The following PARVA variants were observed in gnomAD, a reference collection of about 807,000 sequenced individuals.
PARVA encodes parvin alpha, also known as alpha-parvin.
PARVA carries 25 observed loss-of-function variants against 52.6 expected under a neutral mutation model. The observed-to-expected ratio is 0.48, with a 90% CI of 0.35 to 0.66. The LOEUF is 0.66. Among genes scored for constraint, PARVA ranks in the 30% least tolerant of loss-of-function variants. The probability of loss-of-function intolerance (pLI) is 0.01; values close to 1 mark genes in which losing one functional copy is unlikely to be tolerated. For missense variants in PARVA, 373 were observed against 450.9 expected, an observed-to-expected ratio of 0.83 and a Z score of 1.56; for synonymous variants, 185 against 179.1, an observed-to-expected ratio of 1.03 and a Z score of -0.26.
intron 1 of PARVA, among the ~76,000 whole-genome samples, chr11:12,471,697 T>TA (rs1940936712): frequency 6.6e-6 from 1 of 152,354 alleles, no homozygotes; most frequent in African/African-American, 2.4e-5. Context: ...CTGTCTGGTG[T>TA]TGTAGGTACC....
chr11:12,464,944 G>T (rs1192371163), intron 1 of PARVA, among the ~76,000 whole-genome samples: 7 of 152,152 alleles, frequency 4.6e-5, no homozygotes, highest in Non-Finnish European at 8.8e-5. Context: ...TTCCACCTCA[G>T]ATCATTAGGC....
chr11:12,503,279 T>C (rs1165258738), intron 5 of PARVA, among the ~76,000 whole-genome samples: 1 of 152,168 alleles, frequency 6.6e-6, no homozygotes, highest in Non-Finnish European at 1.5e-5. Flanking sequence ...AGAGACCTAG[T>C]GTTCCTGACT....
Position 12,438,243 on chromosome 11 carries a change from G to C in PARVA, c.137-35502G>C, listed in dbSNP as rs1186644763. Among the ~76,000 whole-genome samples, 6 of 147,852 alleles carry C rather than the reference G, an allele frequency of 4.1e-5. 1 individual carries two copies. The highest frequency in any genetic ancestry group is 8.9e-5 in the Non-Finnish European group (6 of 67,446). ...CCACTACACCCCAGCCTGGGTGACA[G>C]AGCGAGACTGCATCTCAAAAAAAAA... On this transcript the variant is annotated intron_variant, in intron 1 of 12. Coordinates refer to ENST00000334956, the MANE Select transcript of PARVA (RefSeq NM_018222.5).
At chr11:12,428,717 C>A (rs952250) in intron 1 of PARVA, among the ~76,000 whole-genome samples, 81,548 of 152,038 alleles carry the variant, frequency 0.54, 23,522 homozygotes, top group South Asian at 0.75. Context: ...AATTGACTAG[C>A]GGAGCAAATA....
At chr11:12,424,299 A>ATT (rs1358130614) in intron 1 of PARVA, among the ~76,000 whole-genome samples, 1 of 152,114 alleles carries the variant, frequency 6.6e-6, no homozygotes, top group Non-Finnish European at 1.5e-5. Context: ...TCTGCAAAAC[A>ATT]AGTGATATGT....
In PARVA at chr11:12,399,738, A is replaced by G. The variant is rs905574106; in HGVS notation, c.136+21955A>G. The stretch of plus-strand genomic sequence containing the variant: ...TTTTCTCATTACATTACCCATTACA[A>G]TGTTACAGTAAATAATTCTTGTATA... On this transcript the variant is annotated intron_variant, in intron 1 of 12. Coordinates refer to ENST00000334956, the MANE Select transcript of PARVA (RefSeq NM_018222.5). Among the ~76,000 whole-genome samples, 4 of 152,162 alleles carry G rather than the reference A, an allele frequency of 2.6e-5. No homozygotes were observed. In the South Asian group the frequency reaches 8.3e-4, roughly 32 times the overall value.
At chr11:12,496,435 C>G (rs760158004) in intron 4 of PARVA, 23 bp from the exon 5 acceptor site, 1 of 1,600,176 alleles carries the variant, frequency 6.2e-7, no homozygotes, top group South Asian at 1.1e-5. Flanking sequence ...AACAGCTGTT[C>G]TCTTTTCCCT....
chr11:12,435,506 G>A (rs2134998379), intron 1 of PARVA, among the ~76,000 whole-genome samples: 2 of 152,306 alleles, frequency 1.3e-5, no homozygotes, highest in East Asian at 3.9e-4. Context: ...TCTTGTTTTT[G>A]TCATGATAGC....
intron 1 of PARVA, among the ~76,000 whole-genome samples, chr11:12,452,520 G>A (rs1343987941): frequency 6.6e-6 from 1 of 152,186 alleles, no homozygotes; most frequent in Non-Finnish European, 1.5e-5. Flanking sequence ...GGGTCACCCA[G>A]CTATACCCAC....
At chr11:12,411,514 A>T (rs1490913390) in intron 1 of PARVA, among the ~76,000 whole-genome samples, 1 of 152,172 alleles carries the variant, frequency 6.6e-6, no homozygotes, top group Non-Finnish European at 1.5e-5. Context: ...GGAAGGTACC[A>T]TAGTACATTA....
chr11:12,453,301 G>A (rs762591881), intron 1 of PARVA, among the ~76,000 whole-genome samples: 1 of 152,080 alleles, frequency 6.6e-6, no homozygotes, highest in Non-Finnish European at 1.5e-5. Flanking sequence ...AAGGAGTAAA[G>A]GACTTGCGGA....
At chr11:12,414,790 G>C (rs756908182) in intron 1 of PARVA, among the ~76,000 whole-genome samples, 1 of 152,196 alleles carries the variant, frequency 6.6e-6, no homozygotes, top group African/African-American at 2.4e-5. Flanking sequence ...CGTTAGTTGC[G>C]TGGAGCCATC....
intron 1 of PARVA, among the ~76,000 whole-genome samples, chr11:12,380,989 G>C (rs1270556475): frequency 6.6e-6 from 1 of 152,142 alleles, no homozygotes; most frequent in Non-Finnish European, 1.5e-5. Flanking sequence ...GTAAAGTCCT[G>C]ATTCCTTCAT....
chr11:12,400,673 T>C (rs1197100011), intron 1 of PARVA, among the ~76,000 whole-genome samples: 1 of 152,182 alleles, frequency 6.6e-6, no homozygotes, highest in Non-Finnish European at 1.5e-5. Context: ...TTTCCTTCCG[T>C]CTCTTTTTTG....
chr11:12,430,580 G>C (rs1389753074), intron 1 of PARVA, among the ~76,000 whole-genome samples: 2 of 152,158 alleles, frequency 1.3e-5, no homozygotes, highest in Non-Finnish European at 2.9e-5. Context: ...ATACCAAGAT[G>C]CTGTGGGGGG....
chr11:12,499,779 T>A (rs1416432923), intron 5 of PARVA, among the ~76,000 whole-genome samples: 1 of 152,184 alleles, frequency 6.6e-6, no homozygotes, highest in Non-Finnish European at 1.5e-5. Context: ...TGTGTGTCTG[T>A]ACGTGTGTAA....
At chr11:12,504,774 G>GTGTGT (rs1941413270) in intron 6 of PARVA, among the ~76,000 whole-genome samples, 1 of 149,240 alleles carries the variant, frequency 6.7e-6, no homozygotes. Flanking sequence ...AAGGTATGTG[G>GTGTGT]GTGTGTGTGT....
In PARVA at chr11:12,462,254, A is replaced by G. The variant is rs564017588; in HGVS notation, c.137-11491A>G. On this transcript the variant is annotated intron_variant, in intron 1 of 12. Coordinates refer to ENST00000334956, the MANE Select transcript of PARVA (RefSeq NM_018222.5). ...CTGTAAATATGTTACTTTATGTGGC[A>G]AAGGGGAATTTCAGTTGCTAATCAG... 1.3e-3 allele frequency among the ~76,000 whole-genome samples: 193 copies of G among 152,346 alleles called. 3 individuals carry two copies. In the South Asian group the frequency reaches 0.028, roughly 22 times the overall value.
rs1215763889 is a variant in PARVA at position 12,504,393 on chromosome 11, C to G, written c.621C>G (p.Leu207=). Residue 207 remains leucine, a synonymous_variant, in exon 6 of 13, where the codon CTC becomes CTG. Coordinates refer to ENST00000334956, the MANE Select transcript of PARVA (RefSeq NM_018222.5). ...LSQYFRAPIR[L]PDHVSIQVVV... Reference sequence around the variant, plus strand: ...AGTATTTCCGCGCACCAATTCGACTCCCAGACCATGTTTCCATCCAAGTGG... The same window carrying G: ...AGTATTTCCGCGCACCAATTCGACTGCCAGACCATGTTTCCATCCAAGTGG... The G allele has an allele frequency of 6.2e-7, 1 of 1,613,478 alleles. No homozygotes were observed. Among genetic ancestry groups the G allele is most frequent in the Non-Finnish European group, 8.5e-7 (1 of 1,179,442 alleles).
Sources: allele counts gnomAD v4.1 joint callset (sites outside exome capture counted in the v4.1 genomes callset), GRCh38; gene constraint gnomAD v4.1.1; transcripts MANE v1.5; gene names NCBI Gene and HGNC (gene_info 2026-07-23, HGNC 2026-07-21).